The following DUSP10 variants were observed in gnomAD, a reference collection of about 807,000 sequenced individuals.
DUSP10 encodes dual specificity protein phosphatase 10.
In DUSP10, 14 loss-of-function variants were observed where a neutral mutation model predicts 30.8. The observed-to-expected ratio is 0.46, with a 90% CI of 0.30 to 0.71. The LOEUF is 0.71. Among genes scored for constraint, DUSP10 ranks in the 30% least tolerant of loss-of-function variants. DUSP10 has a pLI of 0.08. For missense variants in DUSP10, 550 were observed against 619.4 expected, an observed-to-expected ratio of 0.89 and a Z score of 1.19; for synonymous variants, 254 against 250.4, an observed-to-expected ratio of 1.01 and a Z score of -0.14.
Position 221,702,273 on chromosome 1 carries a change from AGT to A in DUSP10, c.*137_*138del. ...GTCTTCTTACACTTGTTAAAAATAA[AGT>A]GTTTAAACAAGTTTGTTTCCATTCA... On this transcript the variant is annotated 3_prime_UTR_variant, in exon 4 of 4. Coordinates refer to ENST00000366899, the MANE Select transcript of DUSP10 (RefSeq NM_007207.6). The surrounding 1 kb of genome is among the most constrained non-coding windows in gnomAD (Gnocchi z 4.5). The A allele has an allele frequency of 3.2e-6, 3 of 951,670 alleles. No individual in the cohort carries two copies. The highest frequency in any genetic ancestry group is 4.7e-6 in the Non-Finnish European group (3 of 637,776). The allele number at this position is 951,670 out of a possible 1,614,324, so 59.0% of individuals were successfully genotyped here. A position where few individuals can be genotyped will look rare whatever the true frequency, so the allele number is the denominator to read the frequency against.
intron 2 of DUSP10, among the ~76,000 whole-genome samples, chr1:221,729,796 G>A (rs1031497096): frequency 3.9e-5 from 6 of 152,090 alleles, no homozygotes; most frequent in Admixed American, 6.5e-5. Flanking sequence ...CATAAGACCC[G>A]TTCCTTTAAA....
rs1393948181 is a variant in DUSP10 at position 221,702,478 on chromosome 1, G to A, written c.1383C>T (p.Asp461=). 4 of 1,613,824 alleles carry A rather than the reference G, an allele frequency of 2.5e-6. No homozygotes were observed. Among genetic ancestry groups the A allele is most frequent in the African/African-American group, 1.3e-5 (1 of 74,828 alleles). The change falls in exon 4 of 4, where the codon GAC becomes GAT. Residue 461 remains aspartate, a synonymous_variant. Coordinates refer to ENST00000366899, the MANE Select transcript of DUSP10 (RefSeq NM_007207.6). This position sits in a 1 kb window ranked among gnomAD's most constrained non-coding sequence, Gnocchi z 4.5. ...TTCTCGGTGTCACACCGTTGTTTAG[G>A]TCTTCCTCGAACTCTAGCAACTGCC... ...FMGQLLEFEE[D]LNNGVTPRIL...
At chr1:221,711,181 G>A (rs781428748) in intron 2 of DUSP10, among the ~76,000 whole-genome samples, 8 of 152,182 alleles carry the variant, frequency 5.3e-5, no homozygotes, top group Admixed American at 2.0e-4. Flanking sequence ...CTTTATAGAT[G>A]CATTTCAGCT....
chr1:221,722,205 G>C (rs966945622), intron 2 of DUSP10, among the ~76,000 whole-genome samples: 3 of 152,244 alleles, frequency 2.0e-5, no homozygotes, highest in African/African-American at 7.2e-5. Context: ...TACAGCCCTA[G>C]ATCTCTCAAA....
At chr1:221,724,492 A>G (rs1343214821) in intron 2 of DUSP10, among the ~76,000 whole-genome samples, 2 of 152,178 alleles carry the variant, frequency 1.3e-5, no homozygotes, top group African/African-American at 4.8e-5. Context: ...TTTCTATATA[A>G]AGTCTTGAAA....
chr1:221,709,323 C>G (rs1319312158), intron 2 of DUSP10, among the ~76,000 whole-genome samples: 1 of 151,648 alleles, frequency 6.6e-6, no homozygotes, highest in South Asian at 2.1e-4. Context: ...GAAAAAAACC[C>G]GTGGCGGAGT....
chr1:221,712,932 A>C (rs907525479), intron 2 of DUSP10, among the ~76,000 whole-genome samples: 8 of 152,196 alleles, frequency 5.3e-5, no homozygotes, highest in African/African-American at 1.9e-4. Flanking sequence ...GTCTGTCGTA[A>C]TGATTCAATG....
chr1:221,739,194 T>C lies in DUSP10; in HGVS notation c.551A>G (p.Asn184Ser), dbSNP rs769109743. The C allele has an allele frequency of 3.7e-6, 6 of 1,614,082 alleles. No individual in the cohort carries two copies. The Admixed American group carries it at 8.3e-5, about 22-fold the overall frequency. Reference sequence around the variant, plus strand: ...GACAGCTCCTTGGATGTGACTCTTGTTGTACTCCATGAAGGGCCTGCAGTC... The same window carrying C: ...GACAGCTCCTTGGATGTGACTCTTGCTGTACTCCATGAAGGGCCTGCAGTC... ...IIDCRPFMEYNKSHIQGAVHI... is the reference protein window; with the variant it reads ...IIDCRPFMEYSKSHIQGAVHI... Residue 184 changes from asparagine to serine, a missense_variant, in exon 2 of 4, where the codon AAC becomes AGC. By Grantham distance (46) the Asn-to-Ser change is conservative. Transcript: ENST00000366899.
At chr1:221,731,946 A>C (rs1181993517) in intron 2 of DUSP10, among the ~76,000 whole-genome samples, 8 of 152,288 alleles carry the variant, frequency 5.3e-5, no homozygotes, top group African/African-American at 1.9e-4. Context: ...AAAAGTACAA[A>C]CATGTGCTTC....
Position 221,718,608 on chromosome 1 carries a change from T to G in DUSP10, c.812-12142A>C, listed in dbSNP as rs577781706. ...CTCTAAAGAATGTCTAAAAACATTC[T>G]TGCCTTTCAGTGCAGAAGTTTAAAT... On this transcript the variant is annotated intron_variant, in intron 2 of 3. Transcript: ENST00000366899. 9.2e-5 allele frequency among the ~76,000 whole-genome samples: 14 copies of G among 152,328 alleles called. No individual in the cohort carries two copies. In the South Asian group the frequency reaches 2.7e-3, roughly 29 times the overall value.
chr1:221,740,216 CCATTT>C (rs1230274799), intron 1 of DUSP10, among the ~76,000 whole-genome samples: 2 of 152,196 alleles, frequency 1.3e-5, no homozygotes, highest in Non-Finnish European at 2.9e-5. Flanking sequence ...TGCATGCTTG[CCATTT>C]AATTCCCTCA....
intron 2 of DUSP10, chr1:221,711,911 C>G (rs989674862): frequency 6.6e-6 from 1 of 152,184 alleles, no homozygotes; most frequent in African/African-American, 2.4e-5. Flanking sequence ...AAGAACAAAG[C>G]CTGGATGAAC....
At chr1:221,720,055 G>C (rs371853926) in intron 2 of DUSP10, among the ~76,000 whole-genome samples, 1 of 152,056 alleles carries the variant, frequency 6.6e-6, no homozygotes, top group Non-Finnish European at 1.5e-5. Context: ...TCCCTCTTCC[G>C]CAAACTCCCT....
intron 2 of DUSP10, among the ~76,000 whole-genome samples, chr1:221,723,679 G>A (rs1661341722): frequency 6.6e-6 from 1 of 152,202 alleles, no homozygotes; most frequent in Non-Finnish European, 1.5e-5. Flanking sequence ...CTACAAATCA[G>A]GAAGAGCCAG....
In DUSP10 at chr1:221,739,111, C is replaced by G. The variant is rs1661866433; in HGVS notation, c.634G>C (p.Val212Leu). The part of the protein sequence containing the change: ...RRRLQQGKIT[V>L]LDLISCREGK... ...TCCCTACAGGAAATCAAGTCTAGGA[C>G]AGTGATCTTGCCCTGCTGCAGTCTC... Residue 212 changes from valine to leucine, a missense_variant, in exon 2 of 4, where the codon GTC (valine) becomes CTC (leucine). Transcript: ENST00000366899. 1 of 1,614,074 alleles carries G rather than the reference C, an allele frequency of 6.2e-7. No homozygotes were observed. The highest frequency in any genetic ancestry group is 1.1e-5 in the South Asian group (1 of 91,084).
intron 1 of DUSP10, among the ~76,000 whole-genome samples, chr1:221,741,070 A>C (rs1661940565): frequency 6.6e-6 from 1 of 152,282 alleles, no homozygotes; most frequent in East Asian, 1.9e-4. Context: ...ATTCTCTGAC[A>C]CAGAACCAAA....
intron 2 of DUSP10, among the ~76,000 whole-genome samples, chr1:221,738,590 T>A (rs570939882): frequency 2.7e-4 from 41 of 152,172 alleles, no homozygotes; most frequent in Non-Finnish European, 4.3e-4. Context: ...AGTGATTGAT[T>A]GGAATAGAGC....
intron 2 of DUSP10, among the ~76,000 whole-genome samples, chr1:221,726,572 T>A (rs887148984): frequency 1.3e-5 from 2 of 152,146 alleles, no homozygotes; most frequent in Admixed American, 1.3e-4. Context: ...ATTAGTAATA[T>A]TATGTTTTTC....
intron 2 of DUSP10, among the ~76,000 whole-genome samples, chr1:221,726,818 G>A (rs917570102): frequency 1.9e-4 from 29 of 151,810 alleles, no homozygotes; most frequent in African/African-American, 5.6e-4. Flanking sequence ...TCTCCTACTT[G>A]TACTGCATTA....
Sources: gnomAD v4.1 joint callset for allele counts (sites outside exome capture counted in the v4.1 genomes callset) on GRCh38, gnomAD v4.1.1 for gene constraint, Gnocchi (gnomAD v3.1) non-coding constraint, MANE v1.5 for transcripts, NCBI Gene and HGNC (gene_info 2026-07-23, HGNC 2026-07-21) for gene names.